Variants in ZNF385D observed in about 807,000 individuals in gnomAD.
ZNF385D encodes the protein zinc finger protein 385D, also known as zinc finger protein 659.
In ZNF385D, 15 loss-of-function variants were observed where a neutral mutation model predicts 35.8. That is an observed-to-expected ratio of 0.42 (90% CI 0.28 to 0.64). The LOEUF is 0.64. Among genes scored for constraint, ZNF385D ranks in the 30% least tolerant of loss-of-function variants. The pLI is 0.23. For missense variants in ZNF385D, 474 were observed against 494.6 expected, an observed-to-expected ratio of 0.96 and a Z score of 0.39; for synonymous variants, 212 against 186.8, an observed-to-expected ratio of 1.13 and a Z score of -1.10.
chr3:22,076,392 A>G (rs2125573362), intron 3 of ZNF385D, among the ~76,000 whole-genome samples: 1 of 151,920 alleles, frequency 6.6e-6, no homozygotes, highest in Admixed American at 6.6e-5. Flanking sequence ...ATGGCCCATT[A>G]GCTGGCTTAT....
chr3:22,058,336 A>G (rs1699516553), intron 3 of ZNF385D, among the ~76,000 whole-genome samples: 1 of 152,222 alleles, frequency 6.6e-6, no homozygotes, highest in Admixed American at 6.5e-5. Flanking sequence ...AGCCGCCCCT[A>G]TTGTCAACAG....
chr3:21,625,029 T>C (rs1235395568), intron 2 of ZNF385D, among the ~76,000 whole-genome samples: 2 of 151,966 alleles, frequency 1.3e-5, no homozygotes, highest in African/African-American at 4.8e-5. Flanking sequence ...CTCCTAACCA[T>C]CTCCCAAATA....
chr3:22,184,786 G>A (rs754516074), intron 2 of ZNF385D, among the ~76,000 whole-genome samples: 46 of 152,116 alleles, frequency 3.0e-4, no homozygotes, highest in Admixed American at 2.8e-3. Context: ...CGGGTGACAA[G>A]AGTGAAACTA....
intron 2 of ZNF385D, among the ~76,000 whole-genome samples, chr3:21,573,715 C>G (rs2063403284): frequency 8.4e-6 from 1 of 119,652 alleles, no homozygotes; most frequent in South Asian, 2.5e-4. Context: ...TTACACATGC[C>G]TAGTCAACAA....
At chr3:22,247,361 C>A (rs1031707226) in intron 2 of ZNF385D, among the ~76,000 whole-genome samples, 3 of 151,866 alleles carry the variant, frequency 2.0e-5, no homozygotes, top group African/African-American at 7.3e-5. Flanking sequence ...GTAAATATAA[C>A]AAATTTTCAA....
At chr3:22,271,698 G>GTC (rs1413182190) in intron 2 of ZNF385D, among the ~76,000 whole-genome samples, 1 of 151,694 alleles carries the variant, frequency 6.6e-6, no homozygotes, top group Non-Finnish European at 1.5e-5. Context: ...CCCTCTGCCT[G>GTC]TCTCCTTCTC....
Position 21,590,352 on chromosome 3 carries a change from C to T in ZNF385D, c.166-25668G>A, listed in dbSNP as rs533010412. ...GGGATATGACCAGCAGGGAGAAGCACAAATTATTTTAAAAGTGAAAGATAA... is the reference window on the plus strand; with the variant it reads ...GGGATATGACCAGCAGGGAGAAGCATAAATTATTTTAAAAGTGAAAGATAA... On this transcript the variant is annotated intron_variant, in intron 2 of 7. Transcript: ENST00000281523. Among the ~76,000 whole-genome samples the T allele has an allele frequency of 1.3e-3, 193 of 152,148 alleles. 2 individuals carry two copies. Among genetic ancestry groups the T allele is most frequent in the African/African-American group, 4.6e-3 (190 of 41,516 alleles).
At chr3:21,693,052 A>G (rs939003621) in intron 1 of ZNF385D, among the ~76,000 whole-genome samples, 4 of 152,218 alleles carry the variant, frequency 2.6e-5, no homozygotes, top group Non-Finnish European at 5.9e-5. Context: ...GGCAACTAGC[A>G]TCACACAGAC....
chr3:22,218,942 A>T (rs1001026692), intron 2 of ZNF385D, among the ~76,000 whole-genome samples: 1 of 152,118 alleles, frequency 6.6e-6, no homozygotes, highest in African/African-American at 2.4e-5. Flanking sequence ...GACTGTAAGG[A>T]TCTATTCTAC....
At chr3:21,917,140 G>A (rs7646871) in intron 3 of ZNF385D, among the ~76,000 whole-genome samples, 1 of 151,966 alleles carries the variant, frequency 6.6e-6, no homozygotes, top group Non-Finnish European at 1.5e-5. Context: ...AAACAAAATC[G>A]TGGAAGTCTG....
chr3:22,295,705 T>C (rs1231485023), intron 2 of ZNF385D, among the ~76,000 whole-genome samples: 2 of 152,174 alleles, frequency 1.3e-5, no homozygotes, highest in Non-Finnish European at 2.9e-5. Flanking sequence ...TTACTTTATA[T>C]GCACACCTCA....
intron 2 of ZNF385D, among the ~76,000 whole-genome samples, chr3:22,175,557 T>G (rs1306898568): frequency 2.0e-5 from 3 of 152,056 alleles, no homozygotes; most frequent in African/African-American, 7.2e-5. Context: ...TTCAGAAAAT[T>G]AAGACTAGTA....
chr3:22,126,749 T>G (rs2125677154), intron 3 of ZNF385D, among the ~76,000 whole-genome samples: 1 of 152,272 alleles, frequency 6.6e-6, no homozygotes, highest in South Asian at 2.1e-4. Context: ...ATTTTCTGTG[T>G]GCATTATCTG....
At chr3:22,014,041 G>C (rs912720707) in intron 3 of ZNF385D, among the ~76,000 whole-genome samples, 5 of 152,038 alleles carry the variant, frequency 3.3e-5, no homozygotes, top group African/African-American at 1.2e-4. Context: ...AAGAAATACA[G>C]ATACGTCAGG....
chr3:22,302,937 A>G (rs1465341289), intron 2 of ZNF385D, among the ~76,000 whole-genome samples: 1 of 152,120 alleles, frequency 6.6e-6, no homozygotes, highest in Non-Finnish European at 1.5e-5. Context: ...ATCTGTTCTT[A>G]GTTTCATAAG....
In ZNF385D at chr3:22,340,467, G is replaced by GA. The variant is rs375108684; in HGVS notation, c.106+31982dup. Among the ~76,000 whole-genome samples, 955 of 152,268 alleles carry GA rather than the reference G, an allele frequency of 6.3e-3. 5 individuals carry two copies. Among genetic ancestry groups the GA allele is most frequent in the Non-Finnish European group, 9.6e-3 (653 of 68,022 alleles). On this transcript the variant is annotated intron_variant, in intron 2 of 5. Transcript: ENST00000494108. The stretch of plus-strand genomic sequence containing the variant: ...TTCAGACCAGCCTGGCCAACATGGT[G>GA]AAACCTTATCTCTACTAAAAATACA...
At chr3:22,024,715 G>A (rs1163371305) in intron 3 of ZNF385D, among the ~76,000 whole-genome samples, 3 of 152,228 alleles carry the variant, frequency 2.0e-5, no homozygotes, top group East Asian at 1.9e-4. Flanking sequence ...GCTTGTGAGA[G>A]GCAAGGAGTT....
At position 22,369,718 on chromosome 3, in the gene ZNF385D, TATC is replaced by T. The variant is rs1222982516; in HGVS notation, c.106+2729_106+2731del. ...TAAATGAGATCTGTGACTTAAAATA[TATC>T]ATCACTCTCAAAATAAAGTATAATT... On this transcript the variant is annotated intron_variant, in intron 2 of 5. Coordinates refer to the ZNF385D transcript ENST00000494108. 3.3e-5 allele frequency among the ~76,000 whole-genome samples: 5 copies of T among 152,192 alleles called. No individual in the cohort carries two copies. The South Asian group carries it at 8.3e-4, about 25-fold the overall frequency.
chr3:22,211,167 T>A (rs1440021827), intron 2 of ZNF385D, among the ~76,000 whole-genome samples: 1 of 151,940 alleles, frequency 6.6e-6, no homozygotes, highest in Non-Finnish European at 1.5e-5. Flanking sequence ...TATAAATTTC[T>A]CAAAAGTGGG....
Sources: gnomAD v4.1 joint callset for allele counts (sites outside exome capture counted in the v4.1 genomes callset) on GRCh38, gnomAD v4.1.1 for gene constraint, MANE v1.5 for transcripts, NCBI Gene and HGNC (gene_info 2026-07-23, HGNC 2026-07-21) for gene names.